The following NUP50 variants were observed in gnomAD, a reference collection of about 807,000 sequenced individuals.
NUP50 encodes nucleoporin 50.
In NUP50, 14 loss-of-function variants were observed where a neutral mutation model predicts 36.8. The observed-to-expected ratio is 0.38, with a 90% CI of 0.25 to 0.59. The LOEUF (loss-of-function observed/expected upper bound fraction) is 0.59, where lower values mean the gene tolerates loss of function less well. NUP50 is among the 20% of genes least tolerant of loss of function. The pLI is 0.63. For synonymous variants in NUP50, 195 were observed against 210.8 expected, an observed-to-expected ratio of 0.93 and a Z score of 0.65; for missense variants, 455 against 564.6, an observed-to-expected ratio of 0.81 and a Z score of 1.97.
At chr22:45,180,835 C>G (rs1054082267) in intron 5 of NUP50, among the ~76,000 whole-genome samples, 30 of 125,180 alleles carry the variant, frequency 2.4e-4, no homozygotes, top group Admixed American at 7.0e-4. Flanking sequence ...GACAACTTGT[C>G]CCCTGTTAAA....
At chr22:45,179,942 C>T (rs1253344820) in intron 5 of NUP50, among the ~76,000 whole-genome samples, 1 of 152,226 alleles carries the variant, frequency 6.6e-6, no homozygotes, top group East Asian at 1.9e-4. Flanking sequence ...AAGAAAACTG[C>T]ATTTGCCAAT....
intron 1 of NUP50, chr22:45,164,594 C>A: frequency 1.0e-5 from 1 of 97,874 alleles, no homozygotes; most frequent in South Asian, 3.4e-4. Flanking sequence ...GAGCCTGGGT[C>A]GGGCGCACGG....
In NUP50 at chr22:45,178,748, CATT is replaced by C; in HGVS notation, c.853_855del (p.Leu285del). On this transcript the variant is annotated inframe_deletion, in exon 5 of 8. Transcript: ENST00000347635. ...AAAGTTGATAGCTCTGTTTTGGGCT[CATT>C]AAGCTCTGTCCCCCTGACTGGATTT... 3.1e-6 allele frequency: 5 copies of C among 1,613,848 alleles called. No individual in the cohort carries two copies. The highest frequency in any genetic ancestry group is 4.2e-6 in the Non-Finnish European group (5 of 1,179,896).
chr22:45,169,206 A>G (rs898495346), intron 2 of NUP50, among the ~76,000 whole-genome samples: 1 of 152,118 alleles, frequency 6.6e-6, no homozygotes, highest in Non-Finnish European at 1.5e-5. Flanking sequence ...CCAACCCCCC[A>G]AAAAATTGTT....
At chr22:45,164,675 C>T (rs373545089) in intron 1 of NUP50, 2 of 152,244 alleles carry the variant, frequency 1.3e-5, no homozygotes, top group African/African-American at 2.4e-5. Flanking sequence ...GACGCAGCCC[C>T]GGCTGTTTTT....
intron 6 of NUP50, among the ~76,000 whole-genome samples, chr22:45,183,090 G>GGA (rs2074406775): frequency 6.2e-5 from 2 of 32,222 alleles, no homozygotes; most frequent in Non-Finnish European, 1.6e-4. Context: ...GGGGGCGGGG[G>GGA]GGGGGGGGGG....
In NUP50 at chr22:45,182,956, A is replaced by C. The variant is rs1262811744; in HGVS notation, c.1086-446A>C. Among the ~76,000 whole-genome samples, 6 of 149,434 alleles carry C rather than the reference A, an allele frequency of 4.0e-5. No homozygotes were observed. In the South Asian group the frequency reaches 6.3e-4, roughly 16 times the overall value. Reference sequence around the variant, plus strand: ...TTTTTAAAATAAGAAATAGGCCACAAAAAAAAAAGGAGGGAGAGGTGGGCG... The same window carrying C: ...TTTTTAAAATAAGAAATAGGCCACACAAAAAAAAGGAGGGAGAGGTGGGCG... On this transcript the variant is annotated intron_variant, in intron 6 of 7. Coordinates refer to ENST00000347635, the MANE Select transcript of NUP50 (RefSeq NM_007172.4).
intron 3 of NUP50, among the ~76,000 whole-genome samples, chr22:45,173,874 C>G (rs955055387): frequency 2.6e-5 from 4 of 152,188 alleles, no homozygotes; most frequent in Non-Finnish European, 5.9e-5. Context: ...TAATAGAAAT[C>G]CACAGATAAT....
intron 4 of NUP50, 108 bp downstream of exon 4, chr22:45,176,188 A>G: frequency 8.3e-7 from 1 of 1,203,136 alleles, no homozygotes; most frequent in South Asian, 1.6e-5. Flanking sequence ...CTGTGTGAGC[A>G]AAACCAGGGT....
chr22:45,168,757 A>C (rs148415502), intron 2 of NUP50, among the ~76,000 whole-genome samples: 128 of 152,194 alleles, frequency 8.4e-4, no homozygotes, highest in African/African-American at 2.9e-3. Flanking sequence ...TAACAATTGC[A>C]TTTATAGGAA....
intron 4 of NUP50, among the ~76,000 whole-genome samples, chr22:45,176,664 TGA>T (rs1183772377): frequency 6.6e-6 from 1 of 152,218 alleles, no homozygotes; most frequent in Non-Finnish European, 1.5e-5. Context: ...CTGATTATTC[TGA>T]GAGTATATAC....
intron 1 of NUP50, chr22:45,164,647 G>C (rs939991684): frequency 6.5e-6 from 1 of 153,054 alleles, no homozygotes; most frequent in Non-Finnish European, 1.5e-5. Context: ...GTGGAGGGTG[G>C]GGTGGGATGA....
At chr22:45,184,277 T>TCCTCCCC in intron 7 of NUP50, 176 bp from the exon 8 acceptor site, 3 of 626,358 alleles carry the variant, frequency 4.8e-6, no homozygotes, top group Non-Finnish European at 8.5e-6. Context: ...TGAGGGCAAG[T>TCCTCCCC]GCTCCCCGAG....
rs132885 is a variant in NUP50, at chr22:45,173,338, GT to G, written c.153+1671del. ...ACAGTAAACCTCTTGAACTTCAGGTGTTTTTTTTTTTTTTTTGTCTGGTTTG... is the reference window on the plus strand; with the variant it reads ...ACAGTAAACCTCTTGAACTTCAGGTGTTTTTTTTTTTTTTTGTCTGGTTTG... On this transcript the variant is annotated intron_variant, in intron 3 of 7. Transcript: ENST00000347635. Among the ~76,000 whole-genome samples the G allele has an allele frequency of 3.6e-3, 486 of 134,934 alleles. 1 individual carries two copies. The highest frequency in any genetic ancestry group is 0.016 in the Middle Eastern group (4 of 244). The allele number at this position is 134,934 out of a possible 152,430, so 88.5% of individuals were successfully genotyped here.
chr22:45,184,417 C>T lies in NUP50; in HGVS notation c.1205-36C>T, dbSNP rs1368274996. 7 of 1,587,340 alleles carry T rather than the reference C, an allele frequency of 4.4e-6. No individual in the cohort carries two copies. In the East Asian group the frequency reaches 1.6e-4, roughly 35 times the overall value. On this transcript the variant is annotated intron_variant, in intron 7 of 7. Coordinates refer to ENST00000347635, the MANE Select transcript of NUP50 (RefSeq NM_007172.4). ...GACTCCTTTGGTGGAGCTATAGCTT[C>T]TATAATTTTGATGGGTTTTGTTTGT...
At chr22:45,181,225 TC>T (rs2074366247) in intron 5 of NUP50, 60 bp from the exon 6 acceptor site, 1 of 1,093,926 alleles carries the variant, frequency 9.1e-7, no homozygotes, top group Non-Finnish European at 1.3e-6. Flanking sequence ...TAACAAAACT[TC>T]AGTCACTTCT....
In NUP50 at chr22:45,185,459, C is replaced by G. The variant is rs1002383709; in HGVS notation, c.*804C>G. On this transcript the variant is annotated 3_prime_UTR_variant, in exon 8 of 8. Transcript: ENST00000347635. ...CTACACCATGGAGAGTGAACCCTTA[C>G]GAAATGAAAGTCAAATGAGACCATC... 6 of 152,092 alleles carry G rather than the reference C, an allele frequency of 3.9e-5. No individual in the cohort carries two copies. The highest frequency in any genetic ancestry group is 7.4e-5 in the Non-Finnish European group (5 of 68,000). The allele number at this position is 152,092 out of a possible 1,614,324, so 9.4% of individuals were successfully genotyped here.
At chr22:45,182,655 CTT>C (rs2074394580) in intron 6 of NUP50, among the ~76,000 whole-genome samples, 1 of 96,172 alleles carries the variant, frequency 1.0e-5, no homozygotes, top group Non-Finnish European at 1.8e-5. Flanking sequence ...GACGGAGTCT[CTT>C]TCTGTCACCC....
rs928952035 is a variant in NUP50 at position 45,184,662 on chromosome 22, A to G, written c.*7A>G. On this transcript the variant is annotated 3_prime_UTR_variant, in exon 8 of 8. Transcript: ENST00000347635. ...GGAGAAAAAGGATGCCTGAACACGC[A>G]AAGTCGGCTGCAGAATTATTGCCAA... is the stretch of plus-strand genomic sequence containing the variant. The G allele has an allele frequency of 5.6e-6, 9 of 1,608,896 alleles. No homozygotes were observed. In the Admixed American group the frequency reaches 6.7e-5, roughly 12 times the overall value.
Sources: allele counts gnomAD v4.1 joint callset (sites outside exome capture counted in the v4.1 genomes callset), GRCh38; gene constraint gnomAD v4.1.1; transcripts MANE v1.5; gene names NCBI Gene and HGNC (gene_info 2026-07-23, HGNC 2026-07-21).